ROBO1: variants seen among roughly 807,000 people sequenced by gnomAD.
ROBO1 encodes roundabout guidance receptor 1, also known as roundabout homolog 1.
In ROBO1, 149 loss-of-function variants were observed where a neutral mutation model predicts 195.9. The observed-to-expected ratio is 0.76, with a 90% CI of 0.67 to 0.87. ROBO1 has a LOEUF of 0.87. Ranked by LOEUF, ROBO1 falls within the 40% of genes least tolerant of loss-of-function variation. The probability of loss-of-function intolerance (pLI) is 0.00; values close to 1 mark genes in which losing one functional copy is unlikely to be tolerated. For missense variants in ROBO1, 1,933 were observed against 2,068.3 expected (o/e 0.93, Z 1.27); for synonymous variants, 816 against 733.2 (o/e 1.11, Z -1.82).
At position 78,627,395 on chromosome 3, in the gene ROBO1, T is replaced by C; in HGVS notation, c.3801A>G (p.Pro1267=). 6.2e-7 allele frequency: 1 copy of C among 1,612,474 alleles called. No individual in the cohort carries two copies. Among genetic ancestry groups the C allele is most frequent in the Non-Finnish European group, 8.5e-7 (1 of 1,179,276 alleles). Reference sequence around the variant, plus strand: ...GTAACATGGGCTGGAGTTCTTCCTGTGGGGAGGGAGTCAGAGTGGCAGTGG... The same window carrying C: ...GTAACATGGGCTGGAGTTCTTCCTGCGGGGAGGGAGTCAGAGTGGCAGTGG... The part of the protein sequence containing the change: ...HQSTATLTPS[P]QEELQPMLQD... The change falls in exon 26 of 31, where the codon CCA becomes CCG. Residue 1267 remains proline (P), a synonymous_variant. Coordinates refer to ENST00000464233, the MANE Select transcript of ROBO1 (RefSeq NM_002941.4).
At chr3:79,248,396 AAGAG>A (rs1491045856) in intron 2 of ROBO1, among the ~76,000 whole-genome samples, 2 of 150,088 alleles carry the variant, frequency 1.3e-5, no homozygotes, top group East Asian at 1.9e-4. Flanking sequence ...AAAAAAAAAA[AAGAG>A]AGAGAGAGAA....
chr3:78,953,596 G>C (rs1019750162), intron 3 of ROBO1, among the ~76,000 whole-genome samples: 2 of 151,932 alleles, frequency 1.3e-5, no homozygotes, highest in African/African-American at 4.8e-5. Context: ...CCATACAAGA[G>C]AAGACACCAG....
Position 78,752,435 on chromosome 3 carries a change from G to A in ROBO1, c.500-5535C>T, listed in dbSNP as rs998225178. On this transcript the variant is annotated intron_variant, in intron 4 of 30. Transcript: ENST00000464233. ...TTTTTGGGAAACAGTAATACAATAG[G>A]GTCTTATTGCAGGTTATTTTGAATT... Among the ~76,000 whole-genome samples the A allele has an allele frequency of 2.7e-4, 41 of 151,928 alleles. 1 individual carries two copies. Among genetic ancestry groups the A allele is most frequent in the African/African-American group, 9.4e-4 (39 of 41,364 alleles).
intron 1 of ROBO1, among the ~76,000 whole-genome samples, chr3:79,641,586 G>A (rs537561783): frequency 2.6e-5 from 4 of 151,880 alleles, no homozygotes; most frequent in African/African-American, 4.8e-5. Context: ...AATAAGAAAC[G>A]AAACAGTGAC....
At chr3:78,964,827 A>T (rs1283413223) in intron 3 of ROBO1, among the ~76,000 whole-genome samples, 1 of 151,100 alleles carries the variant, frequency 6.6e-6, no homozygotes, top group Non-Finnish European at 1.5e-5. Context: ...TTTTTTTTAA[A>T]CCTGTGTTTC....
chr3:79,371,591 A>C (rs2036195062), intron 2 of ROBO1, among the ~76,000 whole-genome samples: 1 of 152,192 alleles, frequency 6.6e-6, no homozygotes, highest in Non-Finnish European at 1.5e-5. Flanking sequence ...ACATGTAAAC[A>C]TGCAAAAAAA....
intron 3 of ROBO1, among the ~76,000 whole-genome samples, chr3:78,991,730 G>A (rs1052237620): frequency 6.6e-6 from 1 of 152,070 alleles, no homozygotes; most frequent in African/African-American, 2.4e-5. Context: ...AAAAACAGAG[G>A]ACTTTGATTA....
intron 4 of ROBO1, among the ~76,000 whole-genome samples, chr3:78,809,002 C>A (rs148821517): frequency 0.012 from 1,825 of 152,184 alleles, 34 homozygotes; most frequent in African/African-American, 0.041. Context: ...CAAATGGGAT[C>A]TAATTAAACT....
At chr3:78,654,709 G>A (rs1706886900) in intron 18 of ROBO1, among the ~76,000 whole-genome samples, 1 of 152,052 alleles carries the variant, frequency 6.6e-6, no homozygotes, top group South Asian at 2.1e-4. Flanking sequence ...ATTAAGATAT[G>A]GAAAAATGGA....
intron 3 of ROBO1, among the ~76,000 whole-genome samples, chr3:78,954,652 A>G: frequency 6.6e-6 from 1 of 152,048 alleles, no homozygotes; most frequent in East Asian, 1.9e-4. Context: ...ATGGAAACAT[A>G]GTTAATTATA....
chr3:79,157,079 A>C (rs1386700074), intron 2 of ROBO1, among the ~76,000 whole-genome samples: 1 of 151,818 alleles, frequency 6.6e-6, no homozygotes, highest in East Asian at 1.9e-4. Context: ...GTATATTTTT[A>C]TATTCACATG....
At chr3:79,042,517 T>A (rs574912808) in intron 3 of ROBO1, among the ~76,000 whole-genome samples, 3 of 152,058 alleles carry the variant, frequency 2.0e-5, no homozygotes, top group African/African-American at 7.3e-5. Context: ...AGAGAATAAT[T>A]TTGCTTTGTA....
intron 23 of ROBO1, among the ~76,000 whole-genome samples, chr3:78,635,160 A>T (rs1705417815): frequency 6.6e-6 from 1 of 152,142 alleles, no homozygotes; most frequent in Non-Finnish European, 1.5e-5. Context: ...AGGCCACAGA[A>T]TACTATTCTG....
At chr3:79,108,388 A>T (rs188914815) in intron 3 of ROBO1, among the ~76,000 whole-genome samples, 67 of 151,964 alleles carry the variant, frequency 4.4e-4, no homozygotes, top group African/African-American at 1.4e-3. Flanking sequence ...ACTAATGTCC[A>T]TTCAACTACT....
At chr3:78,962,366 TA>T (rs771181454) in intron 3 of ROBO1, among the ~76,000 whole-genome samples, 1 of 152,170 alleles carries the variant, frequency 6.6e-6, no homozygotes, top group Non-Finnish European at 1.5e-5. Flanking sequence ...TAATTTTCTT[TA>T]CTTTTTTGGT....
In ROBO1 at chr3:78,717,813, G is replaced by A. The variant is rs1344975729; in HGVS notation, c.728C>T (p.Thr243Ile). ...SDAGKYVCVGTNMVGERESEV... is the reference protein window; with the variant it reads ...SDAGKYVCVGINMVGERESEV... ...ACTCTCACGTTCCCCAACCATATTG[G>A]TACCAACACAAACATATTTGCCAGC... The change falls in exon 6 of 31, where the codon ACC (threonine) becomes ATC (isoleucine). Residue 243 changes from threonine (T) to isoleucine (I), a missense_variant. Transcript: ENST00000464233. The A allele has an allele frequency of 1.2e-6, 2 of 1,613,588 alleles. No homozygotes were observed. The highest frequency in any genetic ancestry group is 2.2e-5 in the South Asian group (2 of 91,056).
chr3:79,417,902 C>T (rs1457184183), intron 2 of ROBO1, among the ~76,000 whole-genome samples: 4 of 152,050 alleles, frequency 2.6e-5, no homozygotes, highest in African/African-American at 7.2e-5. Flanking sequence ...GGTGGCTATG[C>T]GTGTTTAAGT....
chr3:79,119,150 T>C (rs767850674), intron 3 of ROBO1, among the ~76,000 whole-genome samples: 1 of 152,196 alleles, frequency 6.6e-6, no homozygotes, highest in Non-Finnish European at 1.5e-5. Context: ...TTAGAAATAG[T>C]GTTAATAAAT....
rs529242150 is a variant in ROBO1, at chr3:78,948,303, A to T, written c.173-9376T>A. On this transcript the variant is annotated intron_variant, in intron 3 of 30. Transcript: ENST00000464233. ...AAACCAAATCCAGCAGCAAATCAAA[A>T]AGCTTATCCACCATGATCAAGTGGG... Among the ~76,000 whole-genome samples, 3 of 152,268 alleles carry T rather than the reference A, an allele frequency of 2.0e-5. No homozygotes were observed. The East Asian group carries it at 5.8e-4, about 29-fold the overall frequency.
Sources: allele counts gnomAD v4.1 joint callset (sites outside exome capture counted in the v4.1 genomes callset), GRCh38; gene constraint gnomAD v4.1.1; transcripts MANE v1.5; gene names NCBI Gene and HGNC (gene_info 2026-07-23, HGNC 2026-07-21).